TGS1: variants seen among roughly 807,000 people sequenced by gnomAD.
TGS1 encodes the protein trimethylguanosine synthase 1, also known as trimethylguanosine synthase.
Under a neutral mutation model 92.2 loss-of-function variants are expected in TGS1, and 69 were observed. The observed-to-expected ratio is 0.75, with a 90% CI of 0.62 to 0.91. TGS1 has a LOEUF of 0.91. Ranked by LOEUF, TGS1 falls within the 40% of genes least tolerant of loss-of-function variation. TGS1 has a pLI of 0.00. For missense variants in TGS1, 1,062 were observed against 1,001.2 expected (o/e 1.06, Z -0.82); for synonymous variants, 345 against 338.1 (o/e 1.02, Z -0.22).
At chr8:55,819,232 G>A (rs375284450) in intron 12 of TGS1, among the ~76,000 whole-genome samples, 1 of 151,428 alleles carries the variant, frequency 6.6e-6, no homozygotes, top group African/African-American at 2.4e-5. Context: ...CACCGTGCCC[G>A]GCCTGGTAGC....
intron 6 of TGS1, among the ~76,000 whole-genome samples, chr8:55,794,574 G>C (rs549092773): frequency 6.6e-6 from 1 of 152,106 alleles, no homozygotes; most frequent in Admixed American, 6.5e-5. Flanking sequence ...ACTAGCCTGG[G>C]TAACATAGCA....
At chr8:55,812,113 C>G (rs1480605749) in intron 11 of TGS1, among the ~76,000 whole-genome samples, 1 of 152,142 alleles carries the variant, frequency 6.6e-6, no homozygotes, top group Non-Finnish European at 1.5e-5. Flanking sequence ...TCCAAGACGT[C>G]GAAGCAAACC....
intron 12 of TGS1, among the ~76,000 whole-genome samples, chr8:55,818,231 G>T (rs1029020218): frequency 3.0e-4 from 45 of 152,182 alleles, no homozygotes; most frequent in Non-Finnish European, 5.1e-4. Context: ...AGGCTGGAGG[G>T]CAGTGGTGTG....
rs965831243 is a variant in TGS1 at position 55,825,674 on chromosome 8, T to G, written c.*971T>G. ...GAATTTCCAATAAATACTAGAAAATTAGACTAGAAAAATAGCTGTTATATA... is the reference window on the plus strand; with the variant it reads ...GAATTTCCAATAAATACTAGAAAATGAGACTAGAAAAATAGCTGTTATATA... On this transcript the variant is annotated 3_prime_UTR_variant, in exon 13 of 13. Transcript: ENST00000260129. Among the ~76,000 whole-genome samples, 9 of 152,192 alleles carry G rather than the reference T, an allele frequency of 5.9e-5. No homozygotes were observed. The highest frequency in any genetic ancestry group is 1.9e-4 in the African/African-American group (8 of 41,446).
At position 55,786,870 on chromosome 8, in the gene TGS1, A is replaced by G. The variant is rs375517082; in HGVS notation, c.972A>G (p.Ile324Met). 1.2e-6 allele frequency: 2 copies of G among 1,614,180 alleles called. No homozygotes were observed. Among genetic ancestry groups the G allele is most frequent in the Admixed American group, 1.7e-5 (1 of 60,022 alleles). The part of the protein sequence containing the change: ...HSEILDGISN[I>M]KLNSEEVTQS... Reference sequence around the variant, plus strand: ...AAATACTTGATGGAATTAGTAACATAAAACTGAATTCAGAGGAAGTAACAC... The same window carrying G: ...AAATACTTGATGGAATTAGTAACATGAAACTGAATTCAGAGGAAGTAACAC... Residue 324 changes from isoleucine to methionine, a missense_variant, in exon 4 of 13, where the codon ATA (isoleucine) becomes ATG (methionine). Coordinates refer to ENST00000260129, the MANE Select transcript of TGS1 (RefSeq NM_024831.8).
chr8:55,812,631 T>C (rs187043797), intron 11 of TGS1, among the ~76,000 whole-genome samples: 1 of 151,702 alleles, frequency 6.6e-6, no homozygotes, highest in African/African-American at 2.4e-5. Flanking sequence ...TTGCAGTGAA[T>C]TGAGATTACG....
intron 5 of TGS1, among the ~76,000 whole-genome samples, chr8:55,790,684 T>C (rs1352690100): frequency 3.4e-5 from 5 of 149,018 alleles, no homozygotes; most frequent in Non-Finnish European, 7.6e-5. Context: ...TCCTGGTTAA[T>C]TTTTTAAAAT....
chr8:55,774,316 A>C (rs1811315614), intron 1 of TGS1, among the ~76,000 whole-genome samples: 1 of 152,232 alleles, frequency 6.6e-6, no homozygotes, highest in Admixed American at 6.5e-5. Flanking sequence ...CTTTATATTA[A>C]ATGCGTGAGT....
At chr8:55,820,698 A>C (rs1803613516) in intron 12 of TGS1, among the ~76,000 whole-genome samples, 1 of 152,202 alleles carries the variant, frequency 6.6e-6, no homozygotes, top group Non-Finnish European at 1.5e-5. Flanking sequence ...AATCTAGTCA[A>C]GAGTTCAGTC....
chr8:55,798,511 A>G (rs1290231683), intron 7 of TGS1, among the ~76,000 whole-genome samples: 1 of 152,196 alleles, frequency 6.6e-6, no homozygotes, highest in Non-Finnish European at 1.5e-5. Flanking sequence ...TAGCTTGACC[A>G]TTGCAGAAAG....
intron 4 of TGS1, among the ~76,000 whole-genome samples, chr8:55,788,748 T>G (rs568962469): frequency 2.0e-5 from 3 of 152,344 alleles, no homozygotes; most frequent in African/African-American, 7.2e-5. Context: ...TGAGCCACCA[T>G]GCACAGCCAT....
chr8:55,804,663 AAAG>A (rs1563463479), intron 9 of TGS1, among the ~76,000 whole-genome samples: 1 of 152,236 alleles, frequency 6.6e-6, no homozygotes, highest in East Asian at 1.9e-4. Context: ...CAGTATTACA[AAAG>A]AATTAGGTTA....
rs778543133 is a variant in TGS1, at chr8:55,786,841, A to G, written c.943A>G (p.Ser315Gly). The G allele has an allele frequency of 4.3e-6, 7 of 1,614,032 alleles. No homozygotes were observed. The highest frequency in any genetic ancestry group is 5.9e-6 in the Non-Finnish European group (7 of 1,179,988). Residue 315 changes from serine to glycine, a missense_variant, in exon 4 of 13, where the codon AGT becomes GGT. Physicochemically the swap from Ser to Gly is moderately conservative, Grantham distance 56. Transcript: ENST00000260129. ...DSSGTSDKDHSEILDGISNIK... is the reference protein window; with the variant it reads ...DSSGTSDKDHGEILDGISNIK... ...CTCTGGTACAAGTGATAAGGATCAT[A>G]GTGAAATACTTGATGGAATTAGTAA...
intron 8 of TGS1, 101 bp from the exon 9 acceptor site, chr8:55,802,356 C>T: frequency 1.0e-6 from 1 of 968,342 alleles, no homozygotes; most frequent in Admixed American, 2.1e-5. Context: ...TATACATGTT[C>T]TGCTTGTAAT....
chr8:55,814,887 T>A (rs1192415074), intron 12 of TGS1, among the ~76,000 whole-genome samples: 6 of 151,482 alleles, frequency 4.0e-5, no homozygotes, highest in Admixed American at 3.3e-4. Context: ...TCATGAGTTT[T>A]CTGAATTAAA....
In TGS1 at chr8:55,804,911, C is replaced by A. The variant is rs1297144906; in HGVS notation, c.2018C>A (p.Thr673Lys). The A allele has an allele frequency of 1.9e-6, 3 of 1,613,770 alleles. No homozygotes were observed. In the South Asian group the frequency reaches 3.3e-5, roughly 18 times the overall value. The change falls in exon 10 of 13, where the codon ACA (threonine) becomes AAA (lysine). Residue 673 changes from threonine (T) to lysine (K), a missense_variant. Thr to Lys is a moderately conservative substitution (Grantham distance 78, BLOSUM62 -1). Coordinates refer to ENST00000260129, the MANE Select transcript of TGS1 (RefSeq NM_024831.8). ...TTTGCAGAGGGCTGGTTTTCAGTTA[C>A]ACCCGAGAAGATTGCTGAACACATT... ...KLDREGWFSV[T>K]PEKIAEHIAG... is the part of the protein sequence containing the mutation.
chr8:55,805,119 T>C, intron 10 of TGS1, 83 bp downstream of exon 10: 2 of 1,022,290 alleles, frequency 2.0e-6, no homozygotes, highest in Non-Finnish European at 1.4e-6. Context: ...CCTATCTTAC[T>C]GAGATTTAAT....
At chr8:55,785,669 C>G (rs974132638) in intron 2 of TGS1, 50 bp from the exon 3 acceptor site, 2 of 1,345,600 alleles carry the variant, frequency 1.5e-6, no homozygotes, top group African/African-American at 1.5e-5. Flanking sequence ...AATAAGAAAA[C>G]CTGCCTCTTA....
chr8:55,810,261 A>G (rs1263727323), intron 10 of TGS1, among the ~76,000 whole-genome samples: 2 of 152,216 alleles, frequency 1.3e-5, no homozygotes, highest in African/African-American at 2.4e-5. Context: ...AATTATGTCT[A>G]TGTTGCTAAT....
Sources: allele counts gnomAD v4.1 joint callset (sites outside exome capture counted in the v4.1 genomes callset), GRCh38; gene constraint gnomAD v4.1.1; transcripts MANE v1.5; gene names NCBI Gene and HGNC (gene_info 2026-07-23, HGNC 2026-07-21).